The following HNRNPAB variants were observed in gnomAD, a reference collection of about 807,000 sequenced individuals.
HNRNPAB encodes heterogeneous nuclear ribonucleoprotein A/B, also known as ABBP-1.
HNRNPAB carries 17 observed loss-of-function variants against 44.1 expected under a neutral mutation model. The ratio of observed to expected loss-of-function variants is 0.39; its 90% CI spans 0.26 to 0.58. The LOEUF (loss-of-function observed/expected upper bound fraction) is 0.58. Ranked by LOEUF, HNRNPAB falls within the 20% of genes least tolerant of loss-of-function variation. HNRNPAB has a pLI of 0.63. For synonymous variants in HNRNPAB, 183 were observed against 167.6 expected (o/e 1.09, Z -0.71); for missense variants, 393 against 432.7 (o/e 0.91, Z 0.81).
At chr5:178,209,538 G>C in intron 6 of HNRNPAB, 91 bp downstream of exon 6, 5 of 1,055,288 alleles carry the variant, frequency 4.7e-6, no homozygotes, top group South Asian at 1.4e-5. Flanking sequence ...GTGCTGTGCA[G>C]CAGGGGTGGG....
At chr5:178,209,032 C>T (rs1045835843) in intron 5 of HNRNPAB, 1 of 354,306 alleles carries the variant, frequency 2.8e-6, no homozygotes, top group African/African-American at 2.1e-5. Context: ...AGCCTGTCCT[C>T]TGCTCCCCTG....
chr5:178,207,504 T>C (rs1414985468), intron 5 of HNRNPAB, among the ~76,000 whole-genome samples: 1 of 152,132 alleles, frequency 6.6e-6, no homozygotes. Context: ...GCTCCTCACT[T>C]AAAGCTAGAG....
chr5:178,210,011 C>T, intron 6 of HNRNPAB, 121 bp from the exon 7 acceptor site: 1 of 1,393,972 alleles, frequency 7.2e-7, no homozygotes, highest in Non-Finnish European at 9.8e-7. Context: ...AACAGCAGCC[C>T]CTTGGCTTCT....
In HNRNPAB at chr5:178,211,035, T is replaced by A. The variant is rs1056442453; in HGVS notation, c.*412T>A. On this transcript the variant is annotated 3_prime_UTR_variant, in exon 8 of 8. Transcript: ENST00000358344. The stretch of plus-strand genomic sequence containing the variant: ...CATTTCCTGTAACGGAAGTGTTAAT[T>A]TTACTGTACTTTTTGGTACCTTTTG... 2 of 196,696 alleles carry A rather than the reference T, an allele frequency of 1.0e-5. No homozygotes were observed. The highest frequency in any genetic ancestry group is 2.1e-5 in the Non-Finnish European group (2 of 95,632). 12.2% of individuals were successfully genotyped at this position (196,696 alleles called of 1,614,324 possible). A position where few individuals can be genotyped will look rare whatever the true frequency, so the allele number is the denominator to read the frequency against.
At position 178,204,751 on chromosome 5, in the gene HNRNPAB, G is replaced by A. The variant is rs1395255390; in HGVS notation, c.-24+11G>A. ...GTCATCGGCGGCGAGGTGAGCGGCGGCCGGCGGGCGGGAGCTCTGGCGGGA... is the reference window on the plus strand; with the variant it reads ...GTCATCGGCGGCGAGGTGAGCGGCGACCGGCGGGCGGGAGCTCTGGCGGGA... On this transcript the variant is annotated intron_variant, in intron 1 of 7. Coordinates refer to ENST00000358344, the MANE Select transcript of HNRNPAB (RefSeq NM_031266.3). 12 of 855,594 alleles carry A rather than the reference G, an allele frequency of 1.4e-5. No individual in the cohort carries two copies. The Middle Eastern group carries it at 1.7e-3, about 120-fold the overall frequency. The allele number at this position is 855,594 out of a possible 1,614,324, so 53.0% of individuals were successfully genotyped here.
At chr5:178,205,457 T>C (rs1757017387) in intron 2 of HNRNPAB, 3 of 160,928 alleles carry the variant, frequency 1.9e-5, no homozygotes, top group Non-Finnish European at 4.1e-5. Context: ...GGAGTCACGG[T>C]CTGAACCCTG....
intron 2 of HNRNPAB, among the ~76,000 whole-genome samples, 173 bp downstream of exon 2, chr5:178,205,219 A>G (rs906762277): frequency 6.7e-6 from 1 of 150,336 alleles, no homozygotes; most frequent in Non-Finnish European, 1.5e-5. Context: ...CTCGCGCTGG[A>G]GTTTGCGGGA....
At position 178,210,245 on chromosome 5, in the gene HNRNPAB, T is replaced by TA; in HGVS notation, c.902dup (p.Tyr301Ter). 6.2e-7 allele frequency: 1 copy of TA among 1,613,864 alleles called. No homozygotes were observed. The highest frequency in any genetic ancestry group is 8.5e-7 in the Non-Finnish European group (1 of 1,179,772). The change falls in exon 7 of 8, where the codon TAC becomes TAAC. Residue 301 changes from tyrosine (Y) to a stop codon, truncating the protein, a stop_gained and frameshift_variant. Coordinates refer to ENST00000358344, the MANE Select transcript of HNRNPAB (RefSeq NM_031266.3). LOFTEE classifies it high-confidence loss of function. ...CTACGACTACTCGCCCTATGGCTAT[T>TA]ACGGCTACGGCCCCGGCTACGACTA... ...GGYDYSPYGY[Y>*]GYGPGYDYSQ...
In HNRNPAB at chr5:178,210,185, G is replaced by A. The variant is rs748000197; in HGVS notation, c.841G>A (p.Gly281Ser). The A allele has an allele frequency of 6.0e-5, 96 of 1,613,330 alleles. 1 individual carries two copies. The highest frequency in any genetic ancestry group is 7.6e-5 in the Non-Finnish European group (90 of 1,179,406). Residue 281 changes from glycine (G) to serine (S), a missense_variant, in exon 7 of 8, where the codon GGC becomes AGC. This residue lies in a region of HNRNPAB where 210 missense variants were observed against 196.9 expected (regional missense o/e 1.07). Coordinates refer to ENST00000358344, the MANE Select transcript of HNRNPAB (RefSeq NM_031266.3). ...CGGCAACTACTGGAACCAGGGCTAC[G>A]GCTACCAGCAGGGCTACGGGCCTGG... ...GYGNYWNQGY[G>S]YQQGYGPGYG...
chr5:178,206,126 G>A, intron 3 of HNRNPAB, 116 bp downstream of exon 3: 1 of 968,212 alleles, frequency 1.0e-6, no homozygotes, highest in Non-Finnish European at 1.6e-6. Context: ...AGTGCTTTGG[G>A]CAAAACCCAA....
chr5:178,205,653 T>G (rs2113535169), intron 2 of HNRNPAB, 189 bp from the exon 3 acceptor site: 1 of 582,102 alleles, frequency 1.7e-6, no homozygotes, highest in African/African-American at 1.9e-5. Context: ...AGAGCCTTGT[T>G]AAGCCTCGTT....
chr5:178,209,101 ATGCCCATCTCAAG>A, intron 5 of HNRNPAB, among the ~76,000 whole-genome samples: 1 of 152,256 alleles, frequency 6.6e-6, no homozygotes, highest in East Asian at 1.9e-4. Flanking sequence ...TGGGGCTGAG[ATGCCCATCTCAAG>A]TGCATTCTGT....
chr5:178,208,885 A>G (rs1478835466), intron 5 of HNRNPAB: 2 of 155,486 alleles, frequency 1.3e-5, no homozygotes, highest in Non-Finnish European at 1.4e-5. Flanking sequence ...CGCCTTCTCA[A>G]TAGCGTGTAT....
At chr5:178,209,510 G>T in intron 6 of HNRNPAB, 63 bp downstream of exon 6, 1 of 1,399,762 alleles carries the variant, frequency 7.1e-7, no homozygotes, top group East Asian at 2.3e-5. Flanking sequence ...TTCCAAGCCT[G>T]TCTTGGGGCT....
chr5:178,210,102 A>G (rs910716438), intron 6 of HNRNPAB, 30 bp from the exon 7 acceptor site: 7 of 1,611,568 alleles, frequency 4.3e-6, no homozygotes, highest in Non-Finnish European at 5.9e-6. Context: ...TAAATGGTCC[A>G]CGGGCCCCTG....
Position 178,209,369 on chromosome 5 carries a change from C to T in HNRNPAB, c.709C>T (p.Gln237Ter). The change falls in exon 6 of 8, where the codon CAG becomes TAG. Residue 237 changes from glutamine (Q) to a stop codon, truncating the protein, a stop_gained. Coordinates refer to ENST00000358344, the MANE Select transcript of HNRNPAB (RefSeq NM_031266.3). LOFTEE classifies it high-confidence loss of function. ...KVAQPKEVYQ[Q>*]QQYGSGGRGN... ...GGCCCAGCCCAAAGAAGTCTATCAG[C>T]AGCAGCAGTATGGCTCTGGGGGCCG... is the stretch of plus-strand genomic sequence containing the variant. 1 of 1,614,210 alleles carries T rather than the reference C, an allele frequency of 6.2e-7. No individual in the cohort carries two copies. Among genetic ancestry groups the T allele is most frequent in the Non-Finnish European group, 8.5e-7 (1 of 1,180,042 alleles).
In HNRNPAB at chr5:178,204,606, G is replaced by C. The variant is rs1305633624; in HGVS notation, c.-158G>C. On this transcript the variant is annotated 5_prime_UTR_variant, in exon 1 of 8. Coordinates refer to ENST00000358344, the MANE Select transcript of HNRNPAB (RefSeq NM_031266.3). Reference sequence around the variant, plus strand: ...CCCGTGCGGCGGCGGCCAAGGAGGAGGAGACACAGTTGGAGCAGCTCCGTG... The same window carrying C: ...CCCGTGCGGCGGCGGCCAAGGAGGACGAGACACAGTTGGAGCAGCTCCGTG... The C allele has an allele frequency of 3.7e-6, 1 of 271,236 alleles. No homozygotes were observed. Among genetic ancestry groups the C allele is most frequent in the African/African-American group, 2.3e-5 (1 of 44,356 alleles). The allele number at this position is 271,236 out of a possible 1,614,324, so 16.8% of individuals were successfully genotyped here. A position where few individuals can be genotyped will look rare whatever the true frequency, so the allele number is the denominator to read the frequency against.
chr5:178,210,711 A>G lies in HNRNPAB; in HGVS notation c.*88A>G, dbSNP rs1758015110. ...ATTATGTACCAAATTTAACTTGGCA[A>G]ACTTTCTATTGCCTGTCCCATGTGC... On this transcript the variant is annotated 3_prime_UTR_variant, in exon 8 of 8. Transcript: ENST00000358344. The G allele has an allele frequency of 4.0e-6, 4 of 1,008,772 alleles. No homozygotes were observed. Among genetic ancestry groups the G allele is most frequent in the Admixed American group, 3.6e-5 (2 of 55,544 alleles). 62.5% of individuals were successfully genotyped at this position (1,008,772 alleles called of 1,614,324 possible).
rs1758170707 is a variant in HNRNPAB at position 178,211,032 on chromosome 5, A to AATT, written c.*410_*412dup. 1.0e-5 allele frequency: 2 copies of AATT among 197,444 alleles called. No homozygotes were observed. Among genetic ancestry groups the AATT allele is most frequent in the East Asian group, 1.5e-4 (1 of 6,772 alleles). 12.2% of individuals were successfully genotyped at this position (197,444 alleles called of 1,614,324 possible). A position where few individuals can be genotyped will look rare whatever the true frequency, so the allele number is the denominator to read the frequency against. On this transcript the variant is annotated 3_prime_UTR_variant, in exon 8 of 8. Transcript: ENST00000358344. ...ATACATTTCCTGTAACGGAAGTGTT[A>AATT]ATTTTACTGTACTTTTTGGTACCTT...
Sources: allele counts gnomAD v4.1 joint callset (sites outside exome capture counted in the v4.1 genomes callset), GRCh38; gene constraint gnomAD v4.1.1; regional missense constraint gnomAD v4.1.1; transcripts MANE v1.5; gene names NCBI Gene and HGNC (gene_info 2026-07-23, HGNC 2026-07-21).